SFMBT2: variants seen among roughly 807,000 people sequenced by gnomAD.
The protein encoded by SFMBT2 is Scm like with four mbt domains 2.
Under a neutral mutation model 110.1 loss-of-function variants are expected in SFMBT2, and 38 were observed. That is an observed-to-expected ratio of 0.35 (90% CI 0.27 to 0.45). The LOEUF is 0.45. Ranked by LOEUF, SFMBT2 falls within the 20% of genes least tolerant of loss-of-function variation. The pLI, the probability that SFMBT2 is intolerant of heterozygous loss-of-function variation, is 1.00. For synonymous variants in SFMBT2, 425 were observed against 425.4 expected (o/e 1.00, Z 0.01); for missense variants, 1,011 against 1,094.9 (o/e 0.92, Z 1.08).
intron 10 of SFMBT2, among the ~76,000 whole-genome samples, chr10:7,226,036 C>T (rs1423937374): frequency 6.6e-6 from 1 of 152,196 alleles, no homozygotes; most frequent in African/African-American, 2.4e-5. Flanking sequence ...GTCACCTAAA[C>T]ACACACCACT....
intron 12 of SFMBT2, chr10:7,204,939 T>C (rs2131610752): frequency 1.0e-6 from 1 of 985,268 alleles, no homozygotes; most frequent in Non-Finnish European, 1.2e-6. Context: ...CACACATGTA[T>C]GAATGGGCGT....
intron 7 of SFMBT2, among the ~76,000 whole-genome samples, chr10:7,273,009 G>T (rs183325192): frequency 3.7e-3 from 561 of 152,292 alleles, no homozygotes; most frequent in Non-Finnish European, 5.8e-3. Context: ...TGGCCAGGCT[G>T]GTCTAGAACT....
At chr10:7,327,456 A>G (rs1184308422) in intron 4 of SFMBT2, among the ~76,000 whole-genome samples, 1 of 152,100 alleles carries the variant, frequency 6.6e-6, no homozygotes, top group Non-Finnish European at 1.5e-5. Context: ...CAAGGTGGGC[A>G]GATCACTTGA....
intron 4 of SFMBT2, chr10:7,348,120 T>C: frequency 2.1e-6 from 1 of 483,268 alleles, no homozygotes; most frequent in South Asian, 5.1e-5. Flanking sequence ...TACGAGTCAA[T>C]CAAACATTTG....
intron 7 of SFMBT2, chr10:7,249,098 C>G: frequency 1.0e-6 from 1 of 980,006 alleles, no homozygotes; most frequent in Non-Finnish European, 1.2e-6. Flanking sequence ...GAGCACACAG[C>G]TTACCAGTTA....
At chr10:7,311,552 CGCTCA>C (rs1351282441) in intron 4 of SFMBT2, among the ~76,000 whole-genome samples, 2 of 152,344 alleles carry the variant, frequency 1.3e-5, no homozygotes, top group East Asian at 3.9e-4. Context: ...TGCCAGCAGT[CGCTCA>C]GCTACACAGA....
chr10:7,181,879 A>T (rs1243709578), intron 16 of SFMBT2, among the ~76,000 whole-genome samples: 3 of 152,232 alleles, frequency 2.0e-5, no homozygotes, highest in Non-Finnish European at 2.9e-5. Context: ...ACTGGCTGGG[A>T]ATTAACAGTA....
chr10:7,227,816 T>C lies in SFMBT2; in HGVS notation c.1203+39A>G. ...TATAAAACTTACGGTAGACAAAATC[T>C]ATGATTTTTAAAAATTAGGTAAGAG... On this transcript the variant is annotated intron_variant, in intron 10 of 20. Coordinates refer to ENST00000397167, the MANE Select transcript of SFMBT2 (RefSeq NM_001387889.1). 5 of 1,563,460 alleles carry C rather than the reference T, an allele frequency of 3.2e-6. No individual in the cohort carries two copies. In the Admixed American group the frequency reaches 8.9e-5, roughly 28 times the overall value.
intron 2 of SFMBT2, 80 bp downstream of exon 2, chr10:7,381,719 C>G (rs1845427299): frequency 6.9e-7 from 1 of 1,439,376 alleles, no homozygotes; most frequent in African/African-American, 1.4e-5. Context: ...AAATGTTGCC[C>G]CATTGTTTCC....
At chr10:7,362,069 A>G (rs1844737034) in intron 4 of SFMBT2, among the ~76,000 whole-genome samples, 1 of 152,212 alleles carries the variant, frequency 6.6e-6, no homozygotes, top group Non-Finnish European at 1.5e-5. Flanking sequence ...ATCAAGCCTT[A>G]TAGATTTACT....
intron 1 of SFMBT2, among the ~76,000 whole-genome samples, chr10:7,409,635 T>C (rs1272928223): frequency 6.6e-6 from 1 of 151,652 alleles, no homozygotes; most frequent in Admixed American, 6.6e-5. Context: ...ACACAGACTC[T>C]AACCACGGAA....
intron 4 of SFMBT2, among the ~76,000 whole-genome samples, chr10:7,346,565 C>T (rs1844118045): frequency 1.3e-5 from 2 of 152,092 alleles, no homozygotes; most frequent in Non-Finnish European, 2.9e-5. Flanking sequence ...CAACTATAGA[C>T]AATACATTTT....
At chr10:7,403,900 C>G (rs1476352611) in intron 1 of SFMBT2, among the ~76,000 whole-genome samples, 3 of 152,118 alleles carry the variant, frequency 2.0e-5, no homozygotes, top group Non-Finnish European at 4.4e-5. Flanking sequence ...CACTGGCCAA[C>G]AGCAGATATT....
In SFMBT2 at chr10:7,267,740, T is replaced by A. The variant is rs531054931; in HGVS notation, c.870+9152A>T. The stretch of plus-strand genomic sequence containing the variant: ...AGCTCATTTAGAATTTCAAACACAC[T>A]GAGATTTTCAATATTTTTTTAAAGA... On this transcript the variant is annotated intron_variant, in intron 7 of 20. Transcript: ENST00000397167. 3.9e-5 allele frequency among the ~76,000 whole-genome samples: 6 copies of A among 152,200 alleles called. No homozygotes were observed. The South Asian group carries it at 1.0e-3, about 26-fold the overall frequency.
chr10:7,193,511 A>G (rs116038823), intron 15 of SFMBT2, among the ~76,000 whole-genome samples: 3,145 of 152,246 alleles, frequency 0.021, 47 homozygotes, highest in Admixed American at 0.037. Flanking sequence ...CCATCGCCCT[A>G]CCCAGGTGCG....
At chr10:7,283,400 T>C (rs1164786644) in intron 6 of SFMBT2, among the ~76,000 whole-genome samples, 1 of 152,172 alleles carries the variant, frequency 6.6e-6, no homozygotes, top group Non-Finnish European at 1.5e-5. Context: ...TTTGGATATT[T>C]AGATGGATGG....
intron 4 of SFMBT2, among the ~76,000 whole-genome samples, chr10:7,361,191 T>C (rs1347916905): frequency 6.6e-6 from 1 of 152,226 alleles, no homozygotes; most frequent in African/African-American, 2.4e-5. Flanking sequence ...TAAATTTTCT[T>C]ATTGATAAAC....
rs142641298 is a variant in SFMBT2, at chr10:7,346,663, T to C, written c.436+20986A>G. Reference sequence around the variant, plus strand: ...CCTTAGATGTTTTCCAAAGATGAACTAGTTATCTTTAAAAATTTTTTGTAG... The same window carrying C: ...CCTTAGATGTTTTCCAAAGATGAACCAGTTATCTTTAAAAATTTTTTGTAG... On this transcript the variant is annotated intron_variant, in intron 4 of 20. Coordinates refer to ENST00000397167, the MANE Select transcript of SFMBT2 (RefSeq NM_001387889.1). 1.5e-3 allele frequency among the ~76,000 whole-genome samples: 234 copies of C among 152,212 alleles called. 3 individuals are homozygous for C. The highest frequency in any genetic ancestry group is 5.2e-3 in the African/African-American group (214 of 41,516).
At chr10:7,305,022 G>C (rs182920118) in intron 4 of SFMBT2, among the ~76,000 whole-genome samples, 1 of 152,314 alleles carries the variant, frequency 6.6e-6, no homozygotes, top group East Asian at 1.9e-4. Context: ...TCAGCTCCTA[G>C]CTCAGAGTCC....
Sources: allele counts gnomAD v4.1 joint callset (sites outside exome capture counted in the v4.1 genomes callset), GRCh38; gene constraint gnomAD v4.1.1; transcripts MANE v1.5; gene names NCBI Gene and HGNC (gene_info 2026-07-23, HGNC 2026-07-21).